Variants in RIMS4 observed in about 807,000 individuals in gnomAD.
RIMS4 encodes the protein regulating synaptic membrane exocytosis 4, also known as regulating synaptic membrane exocytosis protein 4.
A neutral mutation model predicts 29.0 loss-of-function variants in RIMS4; 9 were observed. The ratio of observed to expected loss-of-function variants is 0.31; its 90% CI spans 0.19 to 0.54. The LOEUF is 0.54. Ranked by LOEUF, RIMS4 falls within the 20% of genes least tolerant of loss-of-function variation. The pLI is 0.94. For missense variants in RIMS4, 193 were observed against 365.7 expected (o/e 0.53, Z 3.85); for synonymous variants, 130 against 152.9 (o/e 0.85, Z 1.10).
At chr20:44,759,465 G>T (rs1208950742) in intron 2 of RIMS4, among the ~76,000 whole-genome samples, 2 of 152,100 alleles carry the variant, frequency 1.3e-5, no homozygotes, top group Non-Finnish European at 2.9e-5. Flanking sequence ...CATCACATTG[G>T]CCAGGCTGGT....
intron 1 of RIMS4, among the ~76,000 whole-genome samples, chr20:44,798,657 G>A (rs1395380633): frequency 2.0e-5 from 3 of 152,208 alleles, no homozygotes; most frequent in African/African-American, 4.8e-5. Context: ...TAGCTCATAG[G>A]AGCTGCCTTG....
At chr20:44,806,515 C>A (rs1003194928) in intron 1 of RIMS4, among the ~76,000 whole-genome samples, 1 of 152,196 alleles carries the variant, frequency 6.6e-6, no homozygotes, top group Non-Finnish European at 1.5e-5. Context: ...ACCTTAATAA[C>A]TGTAATGATG....
intron 2 of RIMS4, among the ~76,000 whole-genome samples, chr20:44,760,923 AG>A (rs1337134841): frequency 2.7e-5 from 4 of 150,902 alleles, no homozygotes; most frequent in East Asian, 3.8e-4. Context: ...TAATGTGGGC[AG>A]GGGGGGATGT....
intron 2 of RIMS4, among the ~76,000 whole-genome samples, 186 bp downstream of exon 2, chr20:44,771,089 G>A (rs754901742): frequency 5.3e-5 from 8 of 152,208 alleles, no homozygotes; most frequent in East Asian, 1.9e-4. Flanking sequence ...AGCGGGGCTC[G>A]CTCTCCCTCG....
rs571222831 is a variant in RIMS4 at position 44,788,590 on chromosome 20, T to C, written c.98-17177A>G. Among the ~76,000 whole-genome samples, 3 of 152,130 alleles carry C rather than the reference T, an allele frequency of 2.0e-5. No individual in the cohort carries two copies. In the South Asian group the frequency reaches 6.2e-4, roughly 32 times the overall value. On this transcript the variant is annotated intron_variant, in intron 1 of 5. Coordinates refer to ENST00000372851, the MANE Select transcript of RIMS4 (RefSeq NM_182970.4). ...GAGTTCGAGACCAGCCTGGGCAACA[T>C]AGCGAGACCCTGTCTCTCAAAAAAT...
intron 1 of RIMS4, among the ~76,000 whole-genome samples, chr20:44,781,015 CA>C (rs942150125): frequency 1.3e-5 from 2 of 152,196 alleles, no homozygotes; most frequent in African/African-American, 4.8e-5. Context: ...ACTTATCCAA[CA>C]AAATATACAT....
chr20:44,762,458 G>A (rs1004567713), intron 2 of RIMS4, among the ~76,000 whole-genome samples: 4 of 152,116 alleles, frequency 2.6e-5, no homozygotes, highest in Non-Finnish European at 5.9e-5. Flanking sequence ...GGGGTCTCAC[G>A]GATTCCAGGC....
At chr20:44,760,306 G>A (rs2066078616) in intron 2 of RIMS4, among the ~76,000 whole-genome samples, 1 of 152,176 alleles carries the variant, frequency 6.6e-6, no homozygotes, top group Non-Finnish European at 1.5e-5. Context: ...ATTGGGTGGA[G>A]CTAAGAAAAG....
intron 1 of RIMS4, among the ~76,000 whole-genome samples, chr20:44,799,710 G>A (rs533054697): frequency 7.2e-5 from 11 of 152,252 alleles, no homozygotes. Flanking sequence ...AGGTGCCGCA[G>A]GGTCCATGAT....
chr20:44,779,896 G>A (rs1169368844), intron 1 of RIMS4, among the ~76,000 whole-genome samples: 1 of 152,182 alleles, frequency 6.6e-6, no homozygotes, highest in Admixed American at 6.5e-5. Flanking sequence ...AAGAAGTGAG[G>A]CTAAAGATTG....
At chr20:44,763,721 C>T (rs1298812216) in intron 2 of RIMS4, among the ~76,000 whole-genome samples, 1 of 152,158 alleles carries the variant, frequency 6.6e-6, no homozygotes, top group Non-Finnish European at 1.5e-5. Flanking sequence ...TATTATTAAC[C>T]TCTGAGCTTG....
At chr20:44,769,395 T>G (rs186891911) in intron 2 of RIMS4, among the ~76,000 whole-genome samples, 81 of 152,284 alleles carry the variant, frequency 5.3e-4, no homozygotes, top group African/African-American at 1.9e-3. Context: ...GACCTGCCCG[T>G]GAGGCTGACA....
At chr20:44,808,575 G>C (rs1283402683) in intron 1 of RIMS4, among the ~76,000 whole-genome samples, 3 of 152,218 alleles carry the variant, frequency 2.0e-5, no homozygotes, top group Non-Finnish European at 4.4e-5. Flanking sequence ...CATGAAGGCA[G>C]AAGTTAAACC....
rs980349977 is a variant in RIMS4, at chr20:44,810,299, C to CGCGGCGGCG, written c.-37_-29dup. On this transcript the variant is annotated 5_prime_UTR_variant, in exon 1 of 6. Coordinates refer to ENST00000372851, the MANE Select transcript of RIMS4 (RefSeq NM_182970.4). ...CCGCGCCGGCGCCGGGCGCCTCGGCCGCGGCGGCGGCGGCGGCGGCGGGCG... is the reference window on the plus strand; with the variant it reads ...CCGCGCCGGCGCCGGGCGCCTCGGCCGCGGCGGCGGCGGCGGCGGCGGCGGCGGCGGGCG... 24 of 956,172 alleles carry CGCGGCGGCG rather than the reference C, an allele frequency of 2.5e-5. No individual in the cohort carries two copies. In the South Asian group the frequency reaches 3.1e-4, roughly 12 times the overall value. 59.2% of individuals were successfully genotyped at this position (956,172 alleles called of 1,614,324 possible).
At chr20:44,781,814 C>A (rs2145463024) in intron 1 of RIMS4, among the ~76,000 whole-genome samples, 1 of 152,330 alleles carries the variant, frequency 6.6e-6, no homozygotes, top group East Asian at 1.9e-4. Flanking sequence ...TTGGAAGGAA[C>A]TGGGTTGTGG....
intron 4 of RIMS4, 96 bp downstream of exon 4, chr20:44,757,574 T>C (rs1194569557): frequency 3.1e-6 from 3 of 982,976 alleles, no homozygotes; most frequent in East Asian, 2.4e-5. Flanking sequence ...GTCCCCACAG[T>C]TGGGCCCAAT....
chr20:44,768,318 G>A (rs1159435877), intron 2 of RIMS4, among the ~76,000 whole-genome samples: 1 of 152,256 alleles, frequency 6.6e-6, no homozygotes. Flanking sequence ...CCTACCTGCA[G>A]GAATACATAC....
chr20:44,792,347 C>T (rs577692418), intron 1 of RIMS4, among the ~76,000 whole-genome samples: 8 of 151,394 alleles, frequency 5.3e-5, no homozygotes, highest in Non-Finnish European at 1.2e-4. Context: ...GGCTGGAGTA[C>T]AGTGGTGTGA....
At chr20:44,775,102 C>A (rs751603497) in intron 1 of RIMS4, among the ~76,000 whole-genome samples, 27 of 152,190 alleles carry the variant, frequency 1.8e-4, no homozygotes, top group Non-Finnish European at 2.6e-4. Context: ...ATCTATTGAA[C>A]ACCCTTTTGT....
Sources: allele counts gnomAD v4.1 joint callset (sites outside exome capture counted in the v4.1 genomes callset), GRCh38; gene constraint gnomAD v4.1.1; transcripts MANE v1.5; gene names NCBI Gene and HGNC (gene_info 2026-07-23, HGNC 2026-07-21).